Variants in F7 observed in about 807,000 individuals in gnomAD.
The protein encoded by F7 is coagulation factor VII, also known as FVII coagulation protein.
F7 carries 38 observed loss-of-function variants against 47.5 expected under a neutral mutation model. That is an observed-to-expected ratio of 0.80 (90% CI 0.62 to 1.05). F7 has a LOEUF of 1.05. F7 is among the 50% of genes least tolerant of loss of function. The probability of loss-of-function intolerance (pLI) is 0.00; values close to 1 mark genes in which losing one functional copy is unlikely to be tolerated. For missense variants in F7, 575 were observed against 605.4 expected (o/e 0.95, Z 0.53); for synonymous variants, 244 against 258.5 (o/e 0.94, Z 0.54).
chr13:113,110,893 G>A (rs944018180), intron 2 of F7, 43 bp downstream of exon 2: 1 of 1,543,490 alleles, frequency 6.5e-7, no homozygotes, highest in Non-Finnish European at 8.7e-7. Flanking sequence ...GACACTGCAG[G>A]CGGCGGTGAA....
chr13:113,116,874 A>C lies in F7; in HGVS notation c.614A>C (p.Gln205Pro), dbSNP rs747478760. 6.2e-7 allele frequency: 1 copy of C among 1,611,304 alleles called. No individual in the cohort carries two copies. The change falls in exon 6 of 8, where the codon CAG becomes CCG. Residue 205 changes from glutamine to proline, a missense_variant and splice_region_variant. Coordinates refer to ENST00000346342, the MANE Select transcript of F7 (RefSeq NM_019616.4). ...TGCCCCAAAGGGGAGTGTCCATGGC[A>C]GGTAAGGCTTCCCCTGGCTTCAGGA... ...KVCPKGECPWQVLLLVNGAQL... is the reference protein window; with the variant it reads ...KVCPKGECPWPVLLLVNGAQL...
chr13:113,116,380 A>G (rs1225507217), intron 5 of F7, among the ~76,000 whole-genome samples: 1 of 152,240 alleles, frequency 6.6e-6, no homozygotes, highest in Non-Finnish European at 1.5e-5. Context: ...AAAACTAAGC[A>G]TGGGATCAAA....
chr13:113,108,834 C>T (rs1442217083), intron 1 of F7, among the ~76,000 whole-genome samples: 4 of 62,422 alleles, frequency 6.4e-5, no homozygotes, highest in Non-Finnish European at 6.6e-5. Context: ...GTGTGGGTGT[C>T]CCGGGGGAGT....
chr13:113,112,099 ACACCTCACAGAGGT>A (rs1339724561), intron 2 of F7, among the ~76,000 whole-genome samples: 2 of 139,684 alleles, frequency 1.4e-5, no homozygotes, highest in African/African-American at 5.5e-5. Context: ...CACTCACAGG[ACACCTCACAGAGGT>A]CACCTCACAC....
At chr13:113,112,293 C>T (rs1193653811) in intron 2 of F7, among the ~76,000 whole-genome samples, 15 of 148,178 alleles carry the variant, frequency 1.0e-4, no homozygotes, top group Non-Finnish European at 2.1e-4. Context: ...CTCACACTCA[C>T]AGGTCACCTT....
chr13:113,105,812 A>G lies in F7; in HGVS notation c.-30A>G, dbSNP rs539578931. The G allele has an allele frequency of 2.5e-6, 4 of 1,571,702 alleles. No homozygotes were observed. The South Asian group carries it at 3.5e-5, about 14-fold the overall frequency. On this transcript the variant is annotated 5_prime_UTR_variant, in exon 1 of 8. Transcript: ENST00000346342. ...CGTCAGTCCCATGGGGAATGTCAAC[A>G]GGCAGGGGCAGCACTGCAGAGATTT...
At chr13:113,114,818 C>G (rs2036165482) in intron 4 of F7, 1 of 153,138 alleles carries the variant, frequency 6.5e-6, no homozygotes, top group Non-Finnish European at 1.5e-5. Context: ...CAAGACCTTC[C>G]AAGGGCTTAG....
At chr13:113,114,419 T>C (rs2476323) in intron 4 of F7, 2 of 242,218 alleles carry the variant, frequency 8.3e-6, no homozygotes, top group Admixed American at 1.0e-4. Context: ...CTAGAAGGAC[T>C]CATAGAATCC....
At chr13:113,112,985 TCA>T (rs200734210) in intron 2 of F7, among the ~76,000 whole-genome samples, 147 of 149,276 alleles carry the variant, frequency 9.8e-4, no homozygotes, top group Middle Eastern at 3.6e-3. Context: ...CACTCACAGG[TCA>T]CACCTCACAC....
At chr13:113,109,818 C>T (rs2036054439) in intron 1 of F7, among the ~76,000 whole-genome samples, 1 of 152,178 alleles carries the variant, frequency 6.6e-6, no homozygotes, top group African/African-American at 2.4e-5. Context: ...CCGCGTGGTG[C>T]CCACAGCTCA....
intron 6 of F7, 36 bp from the exon 7 acceptor site, chr13:113,117,437 C>T (rs2036212694): frequency 3.7e-6 from 6 of 1,611,310 alleles, no homozygotes; most frequent in Non-Finnish European, 5.1e-6. Flanking sequence ...ACAATGACAG[C>T]AATGTGACTT....
At chr13:113,116,924 C>A (rs1364817436) in intron 6 of F7, 49 bp downstream of exon 6, 4 of 1,443,796 alleles carry the variant, frequency 2.8e-6, no homozygotes, top group Non-Finnish European at 3.9e-6. Context: ...GGTCTTGAAG[C>A]CTTTTGAATG....
Position 113,117,589 on chromosome 13 carries a change from G to C in F7, c.732G>C (p.Ala244=). Residue 244 remains alanine, a synonymous_variant, in exon 7 of 8, where the codon GCG becomes GCC. Coordinates refer to ENST00000346342, the MANE Select transcript of F7 (RefSeq NM_019616.4). ...TCAAGAACTGGAGGAACCTGATCGCGGTGCTGGGTGGGTACCACTCTCCCC... is the reference window on the plus strand; with the variant it reads ...TCAAGAACTGGAGGAACCTGATCGCCGTGCTGGGTGGGTACCACTCTCCCC... ...DKIKNWRNLI[A]VLGEHDLSEH... 6.2e-7 allele frequency: 1 copy of C among 1,602,742 alleles called. No individual in the cohort carries two copies. The highest frequency in any genetic ancestry group is 2.2e-5 in the East Asian group (1 of 44,880).
At position 113,118,945 on chromosome 13, in the gene F7, G is replaced by A. The variant is rs2142234775; in HGVS notation, c.1272G>A (p.Trp424Ter). 1 of 1,608,720 alleles carries A rather than the reference G, an allele frequency of 6.2e-7. No individual in the cohort carries two copies. Among genetic ancestry groups the A allele is most frequent in the Non-Finnish European group, 8.5e-7 (1 of 1,179,890 alleles). The part of the protein sequence containing the change: ...VYTRVSQYIE[W>*]LQKLMRSEPR... The stretch of plus-strand genomic sequence containing the variant: ...CCAGGGTCTCCCAGTACATCGAGTG[G>A]CTGCAAAAGCTCATGCGCTCAGAGC... The change falls in exon 8 of 8, where the codon TGG (tryptophan) becomes TGA (stop). Residue 424 changes from tryptophan to a stop codon, truncating the protein, a stop_gained. Transcript: ENST00000346342. LOFTEE classifies it high-confidence loss of function.
At position 113,105,920 on chromosome 13, in the gene F7, G is replaced by A. The variant is rs1442753058; in HGVS notation, c.64+15G>A. On this transcript the variant is annotated intron_variant, in intron 1 of 7. Coordinates refer to ENST00000346342, the MANE Select transcript of F7 (RefSeq NM_019616.4). ...CCTGGCTGCAGGTGCGTCCGGGGAG[G>A]TTTTCTCCATAAACTTGGTGGAAGG... The A allele has an allele frequency of 7.0e-6, 11 of 1,574,560 alleles. No individual in the cohort carries two copies. The South Asian group carries it at 1.3e-4, about 18-fold the overall frequency.
At chr13:113,109,334 G>A (rs2036043753) in intron 1 of F7, among the ~76,000 whole-genome samples, 1 of 151,906 alleles carries the variant, frequency 6.6e-6, no homozygotes, top group Non-Finnish European at 1.5e-5. Flanking sequence ...GGCACCTCCT[G>A]TGAGGACTCG....
At chr13:113,106,731 G>C in intron 1 of F7, 6 of 951,910 alleles carry the variant, frequency 6.3e-6, no homozygotes, top group Non-Finnish European at 9.7e-6. Context: ...GCGTGGGGAT[G>C]GCGTGTGGGG....
At chr13:113,116,155 C>T (rs1411466844) in intron 5 of F7, among the ~76,000 whole-genome samples, 1 of 152,236 alleles carries the variant, frequency 6.6e-6, no homozygotes, top group African/African-American at 2.4e-5. Flanking sequence ...CTGCTGCCCA[C>T]TCTGCATTCC....
At chr13:113,112,500 C>G (rs2036120890) in intron 2 of F7, among the ~76,000 whole-genome samples, 1 of 147,698 alleles carries the variant, frequency 6.8e-6, no homozygotes, top group South Asian at 2.2e-4. Context: ...CAGGTCACAC[C>G]TCACACAGAT....
Sources: gnomAD v4.1 joint callset for allele counts (sites outside exome capture counted in the v4.1 genomes callset) on GRCh38, gnomAD v4.1.1 for gene constraint, MANE v1.5 for transcripts, NCBI Gene and HGNC (gene_info 2026-07-23, HGNC 2026-07-21) for gene names.